Variants in ALMS1 observed in about 807,000 individuals in gnomAD.
ALMS1 encodes the protein centrosome-associated protein ALMS1.
ALMS1 carries 271 observed loss-of-function variants against 352.2 expected under a neutral mutation model. That is an observed-to-expected ratio of 0.77 (90% CI 0.70 to 0.85). The LOEUF is 0.85. Ranked by LOEUF, ALMS1 falls within the 40% of genes least tolerant of loss-of-function variation. The pLI, the probability that ALMS1 is intolerant of heterozygous loss-of-function variation, is 0.00. For missense variants in ALMS1, 5,445 were observed against 4,870.7 expected (o/e 1.12, Z -3.51); for synonymous variants, 1,865 against 1,761.2 (o/e 1.06, Z -1.48).
chr2:73,543,703 G>A (rs551142120), intron 12 of ALMS1, among the ~76,000 whole-genome samples: 16 of 152,194 alleles, frequency 1.1e-4, no homozygotes, highest in African/African-American at 2.2e-4. Flanking sequence ...ACAAGTGGGC[G>A]AAGGATATGA....
intron 16 of ALMS1, among the ~76,000 whole-genome samples, chr2:73,590,977 C>CT (rs368786484): frequency 5.3e-5 from 8 of 151,614 alleles, no homozygotes; most frequent in African/African-American, 1.2e-4. Context: ...CGCCCGGCCC[C>CT]TTTTTTTTCT....
In ALMS1 at chr2:73,538,746, C is replaced by A. The variant is rs143869217; in HGVS notation, c.9907+3797C>A. Among the ~76,000 whole-genome samples the A allele has an allele frequency of 7.8e-3, 1,194 of 152,346 alleles. 21 individuals are homozygous for A. Among genetic ancestry groups the A allele is most frequent in the African/African-American group, 0.026 (1,096 of 41,588 alleles). On this transcript the variant is annotated intron_variant, in intron 12 of 22. Coordinates refer to ENST00000613296, the MANE Select transcript of ALMS1 (RefSeq NM_001378454.1). The stretch of plus-strand genomic sequence containing the variant: ...CACACCAGGAGATTATATCCCGCAC[C>A]TGGCTCGGAGGATCCTACGCCCACG...
chr2:73,493,505 C>G (rs890672613), intron 10 of ALMS1, among the ~76,000 whole-genome samples: 1 of 151,884 alleles, frequency 6.6e-6, no homozygotes, highest in African/African-American at 2.4e-5. Context: ...GGCGGATCAC[C>G]TGAGGTTGAG....
intron 10 of ALMS1, among the ~76,000 whole-genome samples, chr2:73,508,323 C>T (rs1190971328): frequency 6.6e-6 from 1 of 151,672 alleles, no homozygotes; most frequent in Non-Finnish European, 1.5e-5. Context: ...CTGCCTCTGC[C>T]TCCCAAGTAG....
chr2:73,589,457 C>G (rs1675377734), intron 16 of ALMS1, among the ~76,000 whole-genome samples: 2 of 152,146 alleles, frequency 1.3e-5, no homozygotes, highest in Admixed American at 1.3e-4. Context: ...TTCATGACCC[C>G]TCTTTTTAAA....
At chr2:73,455,670 G>T (rs1435690196) in intron 9 of ALMS1, among the ~76,000 whole-genome samples, 2 of 152,292 alleles carry the variant, frequency 1.3e-5, no homozygotes, top group Non-Finnish European at 1.5e-5. Context: ...CCAAAATGCT[G>T]GGATTACAGG....
chr2:73,526,596 T>G (rs775410087), intron 11 of ALMS1, among the ~76,000 whole-genome samples: 1 of 152,212 alleles, frequency 6.6e-6, no homozygotes, highest in Non-Finnish European at 1.5e-5. Context: ...TGTTCACTGT[T>G]GACATATAGA....
rs567175377 is a variant in ALMS1, at chr2:73,523,650, C to G, written c.9781+3634C>G. Among the ~76,000 whole-genome samples, 14 of 152,162 alleles carry G rather than the reference C, an allele frequency of 9.2e-5. No homozygotes were observed. The South Asian group carries it at 2.9e-3, about 32-fold the overall frequency. ...GGCATGATGGCACATGCCTGTAATC[C>G]CAGCTACTCGGGAGGCTGAGGCAGG... On this transcript the variant is annotated intron_variant, in intron 11 of 22. Transcript: ENST00000613296.
intron 9 of ALMS1, among the ~76,000 whole-genome samples, chr2:73,480,759 A>C (rs1249891387): frequency 6.6e-6 from 1 of 150,664 alleles, no homozygotes. Context: ...CTTTTTAATG[A>C]TTGCCATTCT....
At chr2:73,587,682 T>C (rs577977244) in intron 16 of ALMS1, among the ~76,000 whole-genome samples, 1 of 152,354 alleles carries the variant, frequency 6.6e-6, no homozygotes, top group African/African-American at 2.4e-5. Context: ...GGTTAGCTGG[T>C]ATTTTGTTGA....
intron 10 of ALMS1, among the ~76,000 whole-genome samples, chr2:73,515,806 A>AC: frequency 1.0e-5 from 1 of 98,054 alleles, no homozygotes; most frequent in African/African-American, 4.4e-5. Context: ...CACACACACA[A>AC]ACTCAGAGAC....
chr2:73,571,706 T>G (rs1254309137), intron 15 of ALMS1, among the ~76,000 whole-genome samples: 1 of 152,148 alleles, frequency 6.6e-6, no homozygotes, highest in Non-Finnish European at 1.5e-5. Context: ...AAATTTTATG[T>G]GTTTTTTACC....
chr2:73,474,836 T>C (rs1383921787), intron 9 of ALMS1, among the ~76,000 whole-genome samples: 1 of 152,136 alleles, frequency 6.6e-6, no homozygotes, highest in East Asian at 1.9e-4. Flanking sequence ...CCATTTAAAG[T>C]GTATAGTTTA....
intron 16 of ALMS1, among the ~76,000 whole-genome samples, chr2:73,598,225 A>G (rs1001802704): frequency 2.6e-5 from 4 of 152,196 alleles, no homozygotes; most frequent in African/African-American, 7.2e-5. Flanking sequence ...AAATCTAGGT[A>G]TGGTATGCTA....
intron 1 of ALMS1, among the ~76,000 whole-genome samples, chr2:73,392,111 A>G (rs1319265490): frequency 6.6e-6 from 1 of 151,904 alleles, no homozygotes; most frequent in Non-Finnish European, 1.5e-5. Context: ...TGATTTGACT[A>G]GGTAGGGGTT....
chr2:73,491,152 G>A lies in ALMS1; in HGVS notation c.9193G>A (p.Asp3065Asn). The A allele has an allele frequency of 6.2e-7, 1 of 1,614,146 alleles. No individual in the cohort carries two copies. Among genetic ancestry groups the A allele is most frequent in the East Asian group, 2.2e-5 (1 of 44,880 alleles). The stretch of plus-strand genomic sequence containing the variant: ...TTCCAAGTTGGATAGTGGAACTTTA[G>A]ATGAAAGATTCCATTCATTGGATGC... Reference protein sequence around the residue: ...TSSKLDSGTLDERFHSLDAAS... With the variant: ...TSSKLDSGTLNERFHSLDAAS... The change falls in exon 10 of 23, where the codon GAT (aspartate) becomes AAT (asparagine). Residue 3065 changes from aspartate (D) to asparagine (N), a missense_variant. Physicochemically the swap from Asp to Asn is conservative, Grantham distance 23. Transcript: ENST00000613296.
chr2:73,506,896 A>G (rs181633765), intron 10 of ALMS1, among the ~76,000 whole-genome samples: 2 of 152,286 alleles, frequency 1.3e-5, no homozygotes, highest in East Asian at 1.9e-4. Context: ...CCCATTCAGT[A>G]TGATATTGGC....
chr2:73,599,199 T>C (rs773196376), intron 16 of ALMS1, among the ~76,000 whole-genome samples: 1 of 152,154 alleles, frequency 6.6e-6, no homozygotes, highest in Admixed American at 6.5e-5. Context: ...TACCACCTTA[T>C]AACAGCTTAA....
At chr2:73,389,268 C>A (rs573813326) in intron 1 of ALMS1, among the ~76,000 whole-genome samples, 20 of 152,082 alleles carry the variant, frequency 1.3e-4, no homozygotes, top group African/African-American at 4.8e-4. Context: ...GTCTTTTGCC[C>A]GCTTTTTAGT....
Sources: allele counts gnomAD v4.1 joint callset (sites outside exome capture counted in the v4.1 genomes callset), GRCh38; gene constraint gnomAD v4.1.1; transcripts MANE v1.5; gene names NCBI Gene and HGNC (gene_info 2026-07-23, HGNC 2026-07-21).